Variants in VIT observed in about 807,000 individuals in gnomAD.
VIT encodes vitrin.
Under a neutral mutation model 78.0 loss-of-function variants are expected in VIT, and 99 were observed. The observed-to-expected ratio is 1.27, with a 90% confidence interval of 1.08 to 1.50. The LOEUF is 1.50. VIT is among the 40% of genes most tolerant of loss of function. The pLI is 0.00. For missense variants in VIT, 1,126 were observed against 875.3 expected, an observed-to-expected ratio of 1.29 and a Z score of -3.61; for synonymous variants, 374 against 334.3, an observed-to-expected ratio of 1.12 and a Z score of -1.29.
chr2:36,718,349 G>A (rs1414805142), intron 2 of VIT, among the ~76,000 whole-genome samples: 1 of 152,172 alleles, frequency 6.6e-6, no homozygotes, highest in African/African-American at 2.4e-5. Flanking sequence ...AGGCATGGTG[G>A]AAGGAGTATT....
At chr2:36,780,784 T>C (rs1184531675) in intron 9 of VIT, among the ~76,000 whole-genome samples, 1 of 152,034 alleles carries the variant, frequency 6.6e-6, no homozygotes, top group African/African-American at 2.4e-5. Context: ...TGCTCTCAAC[T>C]TTCTGAGCTA....
intron 13 of VIT, among the ~76,000 whole-genome samples, chr2:36,804,955 T>C (rs1419454324): frequency 6.6e-6 from 1 of 152,126 alleles, no homozygotes; most frequent in Non-Finnish European, 1.5e-5. Context: ...CTGCACATTG[T>C]GAACGTACTT....
At chr2:36,757,077 C>T (rs57096302) in intron 5 of VIT, among the ~76,000 whole-genome samples, 4,645 of 152,242 alleles carry the variant, frequency 0.031, 166 homozygotes, top group African/African-American at 0.079. Flanking sequence ...AAGCCTCTCT[C>T]GAATGGATGA....
At position 36,773,903 on chromosome 2, in the gene VIT, C is replaced by A; in HGVS notation, c.736+56C>A. The A allele has an allele frequency of 3.3e-6, 5 of 1,529,884 alleles. No homozygotes were observed. The South Asian group carries it at 3.8e-5, about 12-fold the overall frequency. 94.8% of individuals were successfully genotyped at this position (1,529,884 alleles called of 1,614,324 possible). On this transcript the variant is annotated intron_variant, in intron 8 of 15. Transcript: ENST00000379242. ...GATGAAAGTTAAGCTTGTTTACATG[C>A]GGTTCCTCTCCACATCTTTGCCATT...
At chr2:36,788,530 T>C (rs1665263451) in intron 12 of VIT, among the ~76,000 whole-genome samples, 2 of 152,204 alleles carry the variant, frequency 1.3e-5, no homozygotes, top group African/African-American at 4.8e-5. Context: ...AAATAACCCA[T>C]TGCTGCAAAT....
intron 3 of VIT, among the ~76,000 whole-genome samples, chr2:36,741,971 T>C (rs373953264): frequency 7.9e-4 from 121 of 152,324 alleles, no homozygotes; most frequent in Middle Eastern, 3.4e-3. Context: ...TTGCCTCCAA[T>C]TCTTGCTTCC....
At chr2:36,703,574 T>G (rs1558499145) in intron 1 of VIT, among the ~76,000 whole-genome samples, 1 of 152,220 alleles carries the variant, frequency 6.6e-6, no homozygotes, top group Non-Finnish European at 1.5e-5. Context: ...GCCTGGTGCA[T>G]CATTTTACCC....
At position 36,743,249 on chromosome 2, in the gene VIT, G is replaced by A. The variant is rs773014347; in HGVS notation, c.268G>A (p.Val90Ile). The change falls in exon 4 of 16, where the codon GTA (valine) becomes ATA (isoleucine). Residue 90 changes from valine (V) to isoleucine (I), a missense_variant. Coordinates refer to ENST00000379242, the MANE Select transcript of VIT (RefSeq NM_053276.4). ...CTACTCCAGTGTGTGTGGCGCTGCCGTACACAGGTGAGTGGTTCTGAGCTA... is the reference window on the plus strand; with the variant it reads ...CTACTCCAGTGTGTGTGGCGCTGCCATACACAGGTGAGTGGTTCTGAGCTA... ...ASYSSVCGAA[V>I]HSGVLDNSGG... The A allele has an allele frequency of 2.3e-5, 37 of 1,613,190 alleles. No homozygotes were observed. The highest frequency in any genetic ancestry group is 1.6e-4 in the Middle Eastern group (1 of 6,078).
chr2:36,781,136 G>A (rs558238493), intron 9 of VIT, among the ~76,000 whole-genome samples: 32 of 152,274 alleles, frequency 2.1e-4, no homozygotes, highest in Admixed American at 2.6e-4. Context: ...GGAAATAAGC[G>A]GATTGCCTGA....
At chr2:36,731,266 AT>A (rs1227441091) in intron 3 of VIT, among the ~76,000 whole-genome samples, 1 of 151,812 alleles carries the variant, frequency 6.6e-6, no homozygotes, top group Non-Finnish European at 1.5e-5. Context: ...AAATGTCTTC[AT>A]TTTTATTTTA....
At chr2:36,759,464 T>C in intron 6 of VIT, 1 of 1,209,832 alleles carries the variant, frequency 8.3e-7, no homozygotes, top group Non-Finnish European at 1.0e-6. Context: ...AGCAAGCTGC[T>C]CATCCAAATA....
intron 3 of VIT, among the ~76,000 whole-genome samples, chr2:36,730,352 G>A (rs530186934): frequency 1.4e-4 from 22 of 152,052 alleles, no homozygotes; most frequent in African/African-American, 5.3e-4. Flanking sequence ...TAAGACTGCA[G>A]TTTCTTTCTC....
chr2:36,718,073 G>A (rs532736846), intron 2 of VIT, among the ~76,000 whole-genome samples: 1 of 151,980 alleles, frequency 6.6e-6, no homozygotes, highest in African/African-American at 2.4e-5. Context: ...TTTTTATAAT[G>A]ACATCAGTCA....
chr2:36,728,910 A>C (rs923180030), intron 2 of VIT, among the ~76,000 whole-genome samples: 1 of 151,848 alleles, frequency 6.6e-6, no homozygotes, highest in African/African-American at 2.4e-5. Flanking sequence ...TTGTACAGTA[A>C]TATCCTAGGC....
At chr2:36,792,759 C>T (rs549781566) in intron 12 of VIT, among the ~76,000 whole-genome samples, 1 of 152,266 alleles carries the variant, frequency 6.6e-6, no homozygotes, top group African/African-American at 2.4e-5. Context: ...AAGCCCAGTC[C>T]CCCAGTGACC....
At chr2:36,799,611 G>A (rs1666167168) in intron 12 of VIT, among the ~76,000 whole-genome samples, 1 of 152,036 alleles carries the variant, frequency 6.6e-6, no homozygotes, top group Non-Finnish European at 1.5e-5. Context: ...TCACCTACTT[G>A]GGAGGCTGAG....
At chr2:36,760,725 T>A (rs1268664152) in intron 6 of VIT, among the ~76,000 whole-genome samples, 13 of 152,194 alleles carry the variant, frequency 8.5e-5, no homozygotes, top group Admixed American at 7.9e-4. Flanking sequence ...AGTTTCATCC[T>A]GGCACCCTCT....
Position 36,808,877 on chromosome 2 carries a change from C to A in VIT, c.1795C>A (p.Gln599Lys), listed in dbSNP as rs758559801. The change falls in exon 15 of 16, where the codon CAG (glutamine) becomes AAG (lysine). Residue 599 changes from glutamine (Q) to lysine (K), a missense_variant. By Grantham distance (53) the Gln-to-Lys change is moderately conservative (BLOSUM62 1). Coordinates refer to ENST00000379242, the MANE Select transcript of VIT (RefSeq NM_053276.4). ...GGCTGCCATCAACTTCGCCCTGGAG[C>A]AGCTCTTCAAGAAGTCCAAGCCCAA... ...TGAAINFALEQLFKKSKPNKR... is the reference protein window; with the variant it reads ...TGAAINFALEKLFKKSKPNKR... 3 of 1,614,080 alleles carry A rather than the reference C, an allele frequency of 1.9e-6. No homozygotes were observed. Among genetic ancestry groups the A allele is most frequent in the Non-Finnish European group, 2.5e-6 (3 of 1,180,042 alleles).
chr2:36,713,104 A>G (rs1179964453), intron 1 of VIT, among the ~76,000 whole-genome samples: 1 of 152,254 alleles, frequency 6.6e-6, no homozygotes, highest in African/African-American at 2.4e-5. Flanking sequence ...TCAATGGAGA[A>G]GAAGACAGTA....
Sources: allele counts gnomAD v4.1 joint callset (sites outside exome capture counted in the v4.1 genomes callset), GRCh38; gene constraint gnomAD v4.1.1; transcripts MANE v1.5; gene names NCBI Gene and HGNC (gene_info 2026-07-23, HGNC 2026-07-21).